Variants in APP observed in about 807,000 individuals in gnomAD.
The protein encoded by APP is amyloid beta precursor protein.
A neutral mutation model predicts 101.4 loss-of-function variants in APP; 31 were observed. The ratio of observed to expected loss-of-function variants is 0.31; its 90% confidence interval spans 0.23 to 0.41. The LOEUF (loss-of-function observed/expected upper bound fraction) is 0.41, where lower values mean the gene tolerates loss of function less well. Ranked by LOEUF, APP falls within the 10% of genes least tolerant of loss-of-function variation. APP has a pLI of 1.00. For missense variants in APP, 839 were observed against 1,003.7 expected (o/e 0.84, Z 2.22); for synonymous variants, 366 against 364.4 (o/e 1.00, Z -0.05).
At chr21:26,119,461 A>G (rs1443252921) in intron 1 of APP, among the ~76,000 whole-genome samples, 1 of 152,236 alleles carries the variant, frequency 6.6e-6, no homozygotes, top group African/African-American at 2.4e-5. Flanking sequence ...AAATTTCTCC[A>G]AAGTTAGTTC....
chr21:26,027,826 G>GCATTTCTTGGCAGAGGTTT (rs140330990), intron 5 of APP, among the ~76,000 whole-genome samples: 1 of 152,028 alleles, frequency 6.6e-6, no homozygotes, highest in Admixed American at 6.5e-5. Flanking sequence ...GCAGCTAAAG[G>GCATTTCTTGGCAGAGGTTT]CATAAGCCCA....
chr21:26,075,266 G>C (rs1212803566), intron 3 of APP, among the ~76,000 whole-genome samples: 1 of 152,058 alleles, frequency 6.6e-6, no homozygotes, highest in African/African-American at 2.4e-5. Flanking sequence ...CTCAATTATC[G>C]AAGAGCTTAC....
At chr21:26,017,424 AAAAAT>A (rs2044144904) in intron 6 of APP, among the ~76,000 whole-genome samples, 1 of 150,782 alleles carries the variant, frequency 6.6e-6, no homozygotes, top group Non-Finnish European at 1.5e-5. Context: ...AAAAAAAAAA[AAAAAT>A]TTAAATTACA....
At chr21:26,065,700 TACTAATTTTG>T (rs1381508283) in intron 3 of APP, among the ~76,000 whole-genome samples, 1 of 152,216 alleles carries the variant, frequency 6.6e-6, no homozygotes, top group Non-Finnish European at 1.5e-5. Context: ...ACAGTAGTCT[TACTAATTTTG>T]AATGACAGCT....
chr21:25,967,483 C>T (rs2041840154), intron 11 of APP, among the ~76,000 whole-genome samples: 1 of 152,148 alleles, frequency 6.6e-6, no homozygotes, highest in African/African-American at 2.4e-5. Flanking sequence ...CTCAGAATTA[C>T]AAAGAAAGCT....
rs570316659 is a variant in APP at position 26,048,416 on chromosome 21, G to GA, written c.662+2583dup. Among the ~76,000 whole-genome samples, 1,407 of 150,818 alleles carry GA rather than the reference G, an allele frequency of 9.3e-3. 19 individuals carry two copies. The highest frequency in any genetic ancestry group is 0.032 in the African/African-American group (1,315 of 41,154). On this transcript the variant is annotated intron_variant, in intron 5 of 17. Coordinates refer to ENST00000346798, the MANE Select transcript of APP (RefSeq NM_000484.4). ...GGGAGGCTCTATAACAGGGCCTATA[G>GA]AAAAAAAAAGGCAAAAAAATTTCAT...
At chr21:26,014,132 T>C (rs752368155) in intron 6 of APP, among the ~76,000 whole-genome samples, 7 of 152,214 alleles carry the variant, frequency 4.6e-5, no homozygotes, top group Non-Finnish European at 1.0e-4. Context: ...AAATACTCCC[T>C]GGAGCTTTAG....
At chr21:26,142,559 A>G (rs1326792810) in intron 1 of APP, among the ~76,000 whole-genome samples, 1 of 152,202 alleles carries the variant, frequency 6.6e-6, no homozygotes, top group Non-Finnish European at 1.5e-5. Context: ...GCCTGAGGCC[A>G]GGAGTTCAAG....
At position 26,167,837 on chromosome 21, in the gene APP, C is replaced by T. The variant is rs563383597; in HGVS notation, c.57+2727G>A. Among the ~76,000 whole-genome samples the T allele has an allele frequency of 4.6e-5, 7 of 152,234 alleles. No individual in the cohort carries two copies. In the South Asian group the frequency reaches 8.3e-4, roughly 18 times the overall value. ...GTCGTTCAGGAGCCTCTGCTGGTTCCGGTGACAAGAGAAAAGCTTCTGCAG... is the reference window on the plus strand; with the variant it reads ...GTCGTTCAGGAGCCTCTGCTGGTTCTGGTGACAAGAGAAAAGCTTCTGCAG... On this transcript the variant is annotated intron_variant, in intron 1 of 17. Coordinates refer to ENST00000346798, the MANE Select transcript of APP (RefSeq NM_000484.4).
chr21:26,078,080 C>T (rs2061531711), intron 3 of APP, among the ~76,000 whole-genome samples: 1 of 152,044 alleles, frequency 6.6e-6, no homozygotes, highest in Non-Finnish European at 1.5e-5. Context: ...TATTTGTGTA[C>T]CTGAAAAAAA....
chr21:26,058,382 A>C (rs911620425), intron 3 of APP, among the ~76,000 whole-genome samples: 1 of 152,212 alleles, frequency 6.6e-6, no homozygotes, highest in Non-Finnish European at 1.5e-5. Context: ...AGCAGAGCAC[A>C]TTGTCACCCT....
In APP at chr21:26,024,036, A is replaced by G. The variant is rs549706335; in HGVS notation, c.663-1994T>C. Among the ~76,000 whole-genome samples, 571 of 152,344 alleles carry G rather than the reference A, an allele frequency of 3.7e-3. 5 individuals carry two copies. Among genetic ancestry groups the G allele is most frequent in the Non-Finnish European group, 6.4e-3 (432 of 68,030 alleles). On this transcript the variant is annotated intron_variant, in intron 5 of 17. Transcript: ENST00000346798. ...GGGCATGTCTAGAACAAAATTAAAA[A>G]GGCCTATTAGGAAATCCTTGTGGAA...
At chr21:25,890,979 A>C (rs934657144) in intron 17 of APP, among the ~76,000 whole-genome samples, 1 of 152,220 alleles carries the variant, frequency 6.6e-6, no homozygotes, top group Non-Finnish European at 1.5e-5. Flanking sequence ...TACTCTCTGC[A>C]AGACAGTTTC....
chr21:25,956,783 G>A (rs1272638288), intron 11 of APP, among the ~76,000 whole-genome samples: 2 of 152,172 alleles, frequency 1.3e-5, no homozygotes, highest in Admixed American at 6.5e-5. Context: ...TATGGGATGT[G>A]CCTCTCCTTC....
intron 1 of APP, among the ~76,000 whole-genome samples, chr21:26,158,562 A>G (rs748273510): frequency 3.3e-5 from 5 of 152,200 alleles, no homozygotes; most frequent in African/African-American, 4.8e-5. Context: ...GGACTTCTAC[A>G]AAAGCTCCTA....
chr21:26,080,720 A>C (rs1485220629), intron 3 of APP, among the ~76,000 whole-genome samples: 5 of 151,778 alleles, frequency 3.3e-5, no homozygotes, highest in Non-Finnish European at 7.4e-5. Context: ...CAGTGAGCCA[A>C]GATCGCACCA....
chr21:26,076,336 C>T (rs888854432), intron 3 of APP, among the ~76,000 whole-genome samples: 3 of 151,738 alleles, frequency 2.0e-5, no homozygotes, highest in African/African-American at 7.2e-5. Flanking sequence ...ATGCTCACAA[C>T]AACCCCTCAT....
intron 1 of APP, among the ~76,000 whole-genome samples, chr21:26,125,049 C>T (rs747998310): frequency 3.4e-4 from 52 of 152,108 alleles, no homozygotes; most frequent in Non-Finnish European, 5.1e-4. Flanking sequence ...ACTGGTTTGA[C>T]TTGGAGAAGG....
intron 1 of APP, among the ~76,000 whole-genome samples, chr21:26,156,029 C>T (rs1343701934): frequency 6.7e-6 from 1 of 149,906 alleles, no homozygotes; most frequent in Admixed American, 6.6e-5. Flanking sequence ...AAAGATACCA[C>T]TTCATTTATG....
Sources: allele counts gnomAD v4.1 joint callset (sites outside exome capture counted in the v4.1 genomes callset), GRCh38; gene constraint gnomAD v4.1.1; transcripts MANE v1.5; gene names NCBI Gene and HGNC (gene_info 2026-07-23, HGNC 2026-07-21).